The following SEMA3C variants were observed in gnomAD, a reference collection of about 807,000 sequenced individuals.
SEMA3C encodes the protein semaphorin-3C.
In SEMA3C, 47 loss-of-function variants were observed where a neutral mutation model predicts 89.4. That is an observed-to-expected ratio of 0.53 (90% CI 0.42 to 0.67). SEMA3C has a LOEUF of 0.67. Ranked by LOEUF, SEMA3C falls within the 30% of genes least tolerant of loss-of-function variation. SEMA3C has a pLI of 0.00. For missense variants in SEMA3C, 839 were observed against 929.1 expected, an observed-to-expected ratio of 0.90 and a Z score of 1.26; for synonymous variants, 310 against 320.2, an observed-to-expected ratio of 0.97 and a Z score of 0.34.
intron 4 of SEMA3C, among the ~76,000 whole-genome samples, chr7:80,820,186 T>C (rs1435521102): frequency 1.3e-5 from 2 of 151,614 alleles, no homozygotes; most frequent in South Asian, 2.1e-4. Context: ...GCCTCCCAAG[T>C]AGCTGGGATT....
chr7:80,905,493 G>A (rs530849395), intron 2 of SEMA3C, among the ~76,000 whole-genome samples: 2 of 152,156 alleles, frequency 1.3e-5, no homozygotes, highest in East Asian at 1.9e-4. Context: ...ACAGTTACAG[G>A]CACTGTTGGG....
At chr7:80,827,983 G>A (rs575290511) in intron 3 of SEMA3C, among the ~76,000 whole-genome samples, 1 of 142,480 alleles carries the variant, frequency 7.0e-6, no homozygotes, top group Admixed American at 7.0e-5. Flanking sequence ...CTGAAATACT[G>A]TGCTAGTACT....
chr7:80,770,539 C>T lies in SEMA3C; in HGVS notation c.1355-5296G>A, dbSNP rs80158023. On this transcript the variant is annotated intron_variant, in intron 12 of 17. Coordinates refer to ENST00000265361, the MANE Select transcript of SEMA3C (RefSeq NM_006379.5). The stretch of plus-strand genomic sequence containing the variant: ...GTGTAAAACGTAAATAATAACCATG[C>T]TTTTCATAATGGCTATCTAAAAATC... Among the ~76,000 whole-genome samples the T allele has an allele frequency of 1.2e-3, 176 of 152,320 alleles. 2 individuals carry two copies. In the East Asian group the frequency reaches 0.029, roughly 25 times the overall value.
At position 80,789,469 on chromosome 7, in the gene SEMA3C, A is replaced by C; in HGVS notation, c.1191T>G (p.Val397=). The C allele has an allele frequency of 6.2e-7, 1 of 1,614,022 alleles. No individual in the cohort carries two copies. Among genetic ancestry groups the C allele is most frequent in the African/African-American group, 1.3e-5 (1 of 75,036 alleles). The change falls in exon 12 of 18, where the codon GTT becomes GTG. Residue 397 remains valine, a synonymous_variant. Coordinates refer to ENST00000265361, the MANE Select transcript of SEMA3C (RefSeq NM_006379.5). Reference sequence around the variant, plus strand: ...GAGGATGGTTCCGAATAAAAGTGACAACATCATCTGGGAACTCCTTGGTGG... The same window carrying C: ...GAGGATGGTTCCGAATAAAAGTGACCACATCATCTGGGAACTCCTTGGTGG... ...MRTTKEFPDD[V]VTFIRNHPLM... is the part of the protein sequence containing the mutation.
At chr7:80,887,679 T>C (rs1320533518) in intron 2 of SEMA3C, among the ~76,000 whole-genome samples, 1 of 152,144 alleles carries the variant, frequency 6.6e-6, no homozygotes, top group African/African-American at 2.4e-5. Flanking sequence ...ACATCACAGA[T>C]TTTTTAAATG....
At chr7:80,785,409 G>C (rs907768358) in intron 12 of SEMA3C, among the ~76,000 whole-genome samples, 1 of 152,124 alleles carries the variant, frequency 6.6e-6, no homozygotes, top group Non-Finnish European at 1.5e-5. Flanking sequence ...AGAGAAACTT[G>C]CTTCACTGTG....
At chr7:80,880,073 CT>C (rs1466272507) in intron 2 of SEMA3C, among the ~76,000 whole-genome samples, 1 of 152,138 alleles carries the variant, frequency 6.6e-6, no homozygotes, top group Non-Finnish European at 1.5e-5. Flanking sequence ...ACCTTTGGGC[CT>C]TTGCTCTGGC....
chr7:80,780,923 C>T (rs1382720509), intron 12 of SEMA3C, among the ~76,000 whole-genome samples: 1 of 152,142 alleles, frequency 6.6e-6, no homozygotes, highest in Non-Finnish European at 1.5e-5. Context: ...GTTCTGTAAA[C>T]TAGAACTCCA....
At chr7:80,814,204 C>A (rs1445666632) in intron 5 of SEMA3C, among the ~76,000 whole-genome samples, 2 of 151,796 alleles carry the variant, frequency 1.3e-5, no homozygotes, top group African/African-American at 4.8e-5. Flanking sequence ...CATTCTCCTG[C>A]CAGCCTCCCA....
At chr7:80,848,635 T>G (rs1341175521) in intron 2 of SEMA3C, among the ~76,000 whole-genome samples, 1 of 152,214 alleles carries the variant, frequency 6.6e-6, no homozygotes, top group Non-Finnish European at 1.5e-5. Flanking sequence ...CAGTTTTTGA[T>G]GTTTTTATTC....
chr7:80,750,806 G>T (rs1243142648), intron 16 of SEMA3C, among the ~76,000 whole-genome samples: 1 of 151,892 alleles, frequency 6.6e-6, no homozygotes, highest in African/African-American at 2.4e-5. Context: ...AAAATATCCA[G>T]ACGTGACTGG....
intron 2 of SEMA3C, among the ~76,000 whole-genome samples, chr7:80,869,264 A>C (rs2116037856): frequency 6.6e-6 from 1 of 152,348 alleles, no homozygotes; most frequent in Non-Finnish European, 1.5e-5. Flanking sequence ...GTAATTAGCT[A>C]GCAAGATGTT....
intron 5 of SEMA3C, among the ~76,000 whole-genome samples, chr7:80,814,111 C>T (rs1789541189): frequency 7.3e-6 from 1 of 137,324 alleles, no homozygotes; most frequent in Non-Finnish European, 1.5e-5. Flanking sequence ...TTATTTAAGA[C>T]AGAGTCTCGC....
chr7:80,757,804 T>C (rs1217224199), intron 15 of SEMA3C, among the ~76,000 whole-genome samples: 1 of 151,920 alleles, frequency 6.6e-6, no homozygotes, highest in African/African-American at 2.4e-5. Context: ...CCCCATCTAC[T>C]AAAAATACAA....
intron 2 of SEMA3C, among the ~76,000 whole-genome samples, chr7:80,863,968 T>C (rs925890418): frequency 7.2e-6 from 1 of 139,752 alleles, no homozygotes. Context: ...GTATATCACA[T>C]ATATATCACA....
Position 80,748,058 on chromosome 7 carries a change from A to G in SEMA3C, c.1842+840T>C, listed in dbSNP as rs1220779153. On this transcript the variant is annotated intron_variant, in intron 17 of 17. Coordinates refer to ENST00000265361, the MANE Select transcript of SEMA3C (RefSeq NM_006379.5). ...TTAATATGTAATAACCAAATTGCCC[A>G]CAACAGAAGAATACACATAAATGCG... 3.3e-5 allele frequency among the ~76,000 whole-genome samples: 5 copies of G among 152,288 alleles called. No individual in the cohort carries two copies. The East Asian group carries it at 7.7e-4, about 23-fold the overall frequency.
In SEMA3C at chr7:80,917,262, T is replaced by C. The variant is rs548272019; in HGVS notation, c.-38-443A>G. 3.3e-5 allele frequency among the ~76,000 whole-genome samples: 5 copies of C among 152,382 alleles called. No homozygotes were observed. The South Asian group carries it at 1.0e-3, about 32-fold the overall frequency. ...TCTCACATGAGCATTCATGTGTACC[T>C]ACTCACTTCAATAGTCATTAGCTCT... On this transcript the variant is annotated intron_variant, in intron 1 of 17. Transcript: ENST00000265361.
rs551774089 is a variant in SEMA3C at position 80,896,614 on chromosome 7, G to C, written c.103+20065C>G. 2.6e-5 allele frequency among the ~76,000 whole-genome samples: 4 copies of C among 152,250 alleles called. No individual in the cohort carries two copies. In the East Asian group the frequency reaches 7.7e-4, roughly 29 times the overall value. On this transcript the variant is annotated intron_variant, in intron 2 of 17. Coordinates refer to ENST00000265361, the MANE Select transcript of SEMA3C (RefSeq NM_006379.5). ...AGCCTAATGCTTAACTGGAACCTCA[G>C]GTGGAATAGGCTGTTTAGCTCTAAT... is the stretch of plus-strand genomic sequence containing the variant.
At chr7:80,803,369 A>T (rs1241506391) in intron 8 of SEMA3C, among the ~76,000 whole-genome samples, 2 of 152,210 alleles carry the variant, frequency 1.3e-5, no homozygotes, top group Non-Finnish European at 2.9e-5. Context: ...AAGGCCTTTT[A>T]CCCCTTCTGC....
Sources: gnomAD v4.1 joint callset for allele counts (sites outside exome capture counted in the v4.1 genomes callset) on GRCh38, gnomAD v4.1.1 for gene constraint, MANE v1.5 for transcripts, NCBI Gene and HGNC (gene_info 2026-07-23, HGNC 2026-07-21) for gene names.